EHMT1: variants seen among roughly 807,000 people sequenced by gnomAD.
EHMT1 encodes the protein euchromatic histone lysine methyltransferase 1.
EHMT1 carries 15 observed loss-of-function variants against 147.2 expected under a neutral mutation model. The ratio of observed to expected loss-of-function variants is 0.10; its 90% CI spans 0.07 to 0.16. The LOEUF is 0.16. Ranked by LOEUF, EHMT1 falls within the 10% of genes least tolerant of loss-of-function variation. The probability of loss-of-function intolerance (pLI) is 1.00; values close to 1 mark genes in which losing one functional copy is unlikely to be tolerated. For missense variants in EHMT1, 1,587 were observed against 1,772.4 expected, an observed-to-expected ratio of 0.90 and a Z score of 1.88; for synonymous variants, 795 against 709.6, an observed-to-expected ratio of 1.12 and a Z score of -1.91.
rs1947221757 is a variant in EHMT1 at position 137,732,737 on chromosome 9, T to C, written c.823+4208T>C. On this transcript the variant is annotated intron_variant, in intron 4 of 26. Coordinates refer to ENST00000460843, the MANE Select transcript of EHMT1 (RefSeq NM_024757.5). The surrounding 1 kb of genome is among the most constrained non-coding windows in gnomAD (Gnocchi z 4.6). Reference sequence around the variant, plus strand: ...AGGTCAGGTTTCACCGGGGACCTGCTCCTATCTGCCTAGGAATTTGTCTGC... The same window carrying C: ...AGGTCAGGTTTCACCGGGGACCTGCCCCTATCTGCCTAGGAATTTGTCTGC... Among the ~76,000 whole-genome samples the C allele has an allele frequency of 1.3e-5, 2 of 152,184 alleles. No homozygotes were observed. Among genetic ancestry groups the C allele is most frequent in the Non-Finnish European group, 2.9e-5 (2 of 68,024 alleles).
chr9:137,741,465 T>C (rs1159032580), intron 4 of EHMT1, among the ~76,000 whole-genome samples: 1 of 152,180 alleles, frequency 6.6e-6, no homozygotes, highest in African/African-American at 2.4e-5. Flanking sequence ...TGTTGTCACA[T>C]TGAAGCAGAT....
chr9:137,620,340 C>T (rs1325793891), intron 1 of EHMT1, among the ~76,000 whole-genome samples: 1 of 152,172 alleles, frequency 6.6e-6, no homozygotes, highest in African/African-American at 2.4e-5. Context: ...TGTGCAAGAC[C>T]TTTAGATCAG....
chr9:137,821,238 C>T (rs1955391581), intron 25 of EHMT1, among the ~76,000 whole-genome samples: 2 of 150,142 alleles, frequency 1.3e-5, no homozygotes, highest in South Asian at 4.2e-4. Flanking sequence ...CCAGGATGGT[C>T]TCGATCTCCT....
At position 137,679,496 on chromosome 9, in the gene EHMT1, C is replaced by T. The variant is rs548058270; in HGVS notation, c.22-31471C>T. 2.0e-3 allele frequency among the ~76,000 whole-genome samples: 298 copies of T among 152,220 alleles called. 1 individual carries two copies. The highest frequency in any genetic ancestry group is 3.1e-3 in the Non-Finnish European group (213 of 68,016). On this transcript the variant is annotated intron_variant, in intron 1 of 26. Transcript: ENST00000460843. ...ACTGATGTGGAGTTCCCTTTGTTTT[C>T]TGTGTAATGCTGTTCTCACAGAAGG... is the stretch of plus-strand genomic sequence containing the variant.
intron 1 of EHMT1, among the ~76,000 whole-genome samples, chr9:137,648,814 C>A (rs1845095420): frequency 6.6e-6 from 1 of 152,194 alleles, no homozygotes; most frequent in Non-Finnish European, 1.5e-5. Flanking sequence ...ATCAGAAGAT[C>A]CCATCAGCCT....
At chr9:137,803,113 G>T (rs1245184315) in intron 18 of EHMT1, 1 of 1,229,362 alleles carries the variant, frequency 8.1e-7, no homozygotes, top group African/African-American at 1.6e-5. Flanking sequence ...AGCCTGTCCA[G>T]GTGTCAGAGC....
intron 23 of EHMT1, chr9:137,817,117 A>C: frequency 2.4e-6 from 1 of 415,240 alleles, no homozygotes; most frequent in East Asian, 5.3e-5. Flanking sequence ...CTTCTCTAGT[A>C]TTAGCACCTC....
At chr9:137,653,609 A>G (rs1320393083) in intron 1 of EHMT1, among the ~76,000 whole-genome samples, 1 of 151,884 alleles carries the variant, frequency 6.6e-6, no homozygotes, top group Non-Finnish European at 1.5e-5. Flanking sequence ...GCTCACTGCA[A>G]CCTCTGCCTC....
chr9:137,622,685 C>G (rs1178909209), intron 1 of EHMT1, among the ~76,000 whole-genome samples: 1 of 152,088 alleles, frequency 6.6e-6, no homozygotes, highest in Non-Finnish European at 1.5e-5. Flanking sequence ...GAGAGGATCC[C>G]CTGAGCCCAG....
chr9:137,825,288 A>C (rs1383589305), intron 25 of EHMT1, among the ~76,000 whole-genome samples: 1 of 152,144 alleles, frequency 6.6e-6, no homozygotes, highest in Non-Finnish European at 1.5e-5. Context: ...AGAATTCTAC[A>C]TGTGTGTGGG....
intron 1 of EHMT1, among the ~76,000 whole-genome samples, chr9:137,706,389 A>G (rs1039333198): frequency 2.6e-5 from 4 of 152,224 alleles, no homozygotes; most frequent in African/African-American, 9.6e-5. Flanking sequence ...TAACTAATTC[A>G]TTTTGTTTTG....
At chr9:137,742,289 TTGTGTGTGTGTGTGTGTGTG>T (rs56080406) in intron 4 of EHMT1, among the ~76,000 whole-genome samples, 19 of 135,170 alleles carry the variant, frequency 1.4e-4, no homozygotes, top group Admixed American at 3.0e-4. Flanking sequence ...AGAACCAAAT[TTGTGTGTGTGTGTGTGTGTG>T]TGTGTGTGTG....
chr9:137,765,672 CCCCCGCCG>C (rs1950170095), intron 10 of EHMT1, among the ~76,000 whole-genome samples: 1 of 1,868 alleles, frequency 5.4e-4, no homozygotes, highest in Non-Finnish European at 7.1e-4. Flanking sequence ...ACTCCCCCCG[CCCCCGCCG>C]CCCCAGCCTG....
intron 1 of EHMT1, among the ~76,000 whole-genome samples, chr9:137,664,501 C>T (rs1939423698): frequency 6.6e-6 from 1 of 152,084 alleles, no homozygotes; most frequent in Non-Finnish European, 1.5e-5. Context: ...CTCAGGCGAT[C>T]TGCCCCCTTG....
At chr9:137,663,677 T>G (rs1939325056) in intron 1 of EHMT1, among the ~76,000 whole-genome samples, 1 of 152,230 alleles carries the variant, frequency 6.6e-6, no homozygotes, top group African/African-American at 2.4e-5. Context: ...AGTCTTGGTA[T>G]CATAGACACC....
intron 8 of EHMT1, among the ~76,000 whole-genome samples, chr9:137,756,469 G>A (rs1270430182): frequency 6.6e-6 from 1 of 152,188 alleles, no homozygotes; most frequent in South Asian, 2.1e-4. Flanking sequence ...ATGTTGGGGA[G>A]GCGTCATCCC....
In EHMT1 at chr9:137,833,637, A is replaced by G. The variant is rs140011408; in HGVS notation, c.3541-712A>G. On this transcript the variant is annotated intron_variant, in intron 25 of 26. Transcript: ENST00000460843. ...TCGTCCCCCTCTCTATGGTCAATTC[A>G]GAATCCATCATCACAGGCCAGTGCC... Among the ~76,000 whole-genome samples, 1,029 of 152,348 alleles carry G rather than the reference A, an allele frequency of 6.8e-3. 14 individuals are homozygous for G. Among genetic ancestry groups the G allele is most frequent in the African/African-American group, 0.023 (977 of 41,580 alleles).
chr9:137,621,594 C>T (rs370209033), intron 1 of EHMT1, among the ~76,000 whole-genome samples: 2 of 151,392 alleles, frequency 1.3e-5, no homozygotes, highest in East Asian at 1.9e-4. Flanking sequence ...GCCTGGGCAA[C>T]GGAGTGAGAG....
chr9:137,817,061 A>C, intron 23 of EHMT1: 1 of 285,510 alleles, frequency 3.5e-6, no homozygotes, highest in East Asian at 9.0e-5. Flanking sequence ...CCTTGTCGGG[A>C]GCAGGCTGGG....
Sources: gnomAD v4.1 joint callset for allele counts (sites outside exome capture counted in the v4.1 genomes callset) on GRCh38, gnomAD v4.1.1 for gene constraint, Gnocchi (gnomAD v3.1) non-coding constraint, MANE v1.5 for transcripts, NCBI Gene and HGNC (gene_info 2026-07-23, HGNC 2026-07-21) for gene names.